The following PRKCE variants were observed in gnomAD, a reference collection of about 807,000 sequenced individuals.
PRKCE encodes the protein protein kinase C epsilon, also known as protein kinase C epsilon type.
In PRKCE, 16 loss-of-function variants were observed where a neutral mutation model predicts 85.4. The observed-to-expected ratio is 0.19, with a 90% CI of 0.13 to 0.28. The LOEUF is 0.28. PRKCE is among the 10% of genes least tolerant of loss of function. The probability of loss-of-function intolerance (pLI) is 1.00; values close to 1 mark genes in which losing one functional copy is unlikely to be tolerated. For synonymous variants in PRKCE, 388 were observed against 371.5 expected (o/e 1.04, Z -0.51); for missense variants, 573 against 975.2 (o/e 0.59, Z 5.49).
chr2:46,175,672 TCA>T (rs1484074796), intron 14 of PRKCE, among the ~76,000 whole-genome samples: 1 of 152,190 alleles, frequency 6.6e-6, no homozygotes, highest in African/African-American at 2.4e-5. Flanking sequence ...AAGCTACCTC[TCA>T]CAGATCGGCA....
At chr2:45,723,340 G>C (rs946939156) in intron 1 of PRKCE, among the ~76,000 whole-genome samples, 1 of 152,150 alleles carries the variant, frequency 6.6e-6, no homozygotes, top group Admixed American at 6.5e-5. Context: ...TGTTTCCAAG[G>C]TAGTCATTAG....
chr2:45,964,401 C>T (rs575858116), intron 2 of PRKCE, among the ~76,000 whole-genome samples: 3 of 152,372 alleles, frequency 2.0e-5, no homozygotes, highest in Admixed American at 6.5e-5. Context: ...CAGATCATCA[C>T]TGGCACCAAC....
intron 1 of PRKCE, among the ~76,000 whole-genome samples, chr2:45,725,137 C>T (rs1186789218): frequency 1.3e-5 from 2 of 152,244 alleles, no homozygotes; most frequent in Non-Finnish European, 2.9e-5. Flanking sequence ...TGCTCATTTA[C>T]CATTCTTTAC....
At chr2:45,761,786 C>G (rs1340086031) in intron 1 of PRKCE, among the ~76,000 whole-genome samples, 1 of 152,170 alleles carries the variant, frequency 6.6e-6, no homozygotes, top group Admixed American at 6.5e-5. Context: ...TTCTACTGAG[C>G]CCTCGCTGCC....
chr2:45,711,628 T>C (rs944016804), intron 1 of PRKCE, among the ~76,000 whole-genome samples: 2 of 152,230 alleles, frequency 1.3e-5, no homozygotes, highest in Non-Finnish European at 2.9e-5. Flanking sequence ...CCATTATTGT[T>C]ATTATTTATG....
chr2:45,995,197 A>G (rs1357411789), intron 6 of PRKCE, among the ~76,000 whole-genome samples: 1 of 152,028 alleles, frequency 6.6e-6, no homozygotes, highest in Non-Finnish European at 1.5e-5. Context: ...ATATTATCAT[A>G]TATGTCTTTT....
chr2:45,839,702 C>T (rs750210), intron 1 of PRKCE, among the ~76,000 whole-genome samples: 12,299 of 152,182 alleles, frequency 0.081, 748 homozygotes, highest in Admixed American at 0.14. Context: ...ACTAATTCAG[C>T]GGTGAAGTTG....
At chr2:45,972,642 T>C (rs1168743868) in intron 2 of PRKCE, among the ~76,000 whole-genome samples, 4 of 152,228 alleles carry the variant, frequency 2.6e-5, no homozygotes, top group African/African-American at 9.7e-5. Context: ...TTTTTGTGTA[T>C]GGTAAAAGGT....
At chr2:45,831,984 T>G (rs1690462005) in intron 1 of PRKCE, among the ~76,000 whole-genome samples, 1 of 152,238 alleles carries the variant, frequency 6.6e-6, no homozygotes, top group Non-Finnish European at 1.5e-5. Context: ...GTATGTATAT[T>G]TAAACTAAAT....
intron 6 of PRKCE, among the ~76,000 whole-genome samples, chr2:46,000,239 G>T (rs4953296): frequency 0.26 from 39,829 of 151,130 alleles, 5,364 homozygotes; most frequent in South Asian, 0.3. Flanking sequence ...CAGTAAACAG[G>T]CTGTTAGTAA....
chr2:45,749,149 C>G (rs958955725), intron 1 of PRKCE, among the ~76,000 whole-genome samples: 2 of 152,176 alleles, frequency 1.3e-5, no homozygotes, highest in African/African-American at 4.8e-5. Flanking sequence ...CTCAGCTTCT[C>G]AAAGTGCTTG....
intron 11 of PRKCE, among the ~76,000 whole-genome samples, chr2:46,106,268 C>T (rs1671708416): frequency 6.6e-6 from 1 of 152,170 alleles, no homozygotes; most frequent in Non-Finnish European, 1.5e-5. Flanking sequence ...TAATCTGTTA[C>T]CATATGAATC....
At chr2:46,065,013 C>G (rs997557686) in intron 10 of PRKCE, among the ~76,000 whole-genome samples, 1 of 152,172 alleles carries the variant, frequency 6.6e-6, no homozygotes, top group Non-Finnish European at 1.5e-5. Context: ...AAGCCATGCT[C>G]TTAAGTTATT....
chr2:46,022,127 G>A (rs1288198459), intron 10 of PRKCE, among the ~76,000 whole-genome samples: 1 of 152,188 alleles, frequency 6.6e-6, no homozygotes, highest in Non-Finnish European at 1.5e-5. Context: ...TGACGTGTGG[G>A]AAACACAGGA....
chr2:46,025,180 A>T (rs893581814), intron 10 of PRKCE, among the ~76,000 whole-genome samples: 3 of 152,196 alleles, frequency 2.0e-5, no homozygotes, highest in Admixed American at 1.3e-4. Flanking sequence ...GGTTGGCAAG[A>T]TCCATTTGGA....
chr2:46,142,172 C>G (rs1053177297), intron 11 of PRKCE, among the ~76,000 whole-genome samples: 13 of 152,114 alleles, frequency 8.5e-5, no homozygotes, highest in Non-Finnish European at 1.5e-4. Flanking sequence ...TGCATCCTGC[C>G]CCTACACCCA....
chr2:45,836,633 A>G (rs1690901294), intron 1 of PRKCE, among the ~76,000 whole-genome samples: 2 of 152,182 alleles, frequency 1.3e-5, no homozygotes, highest in South Asian at 4.1e-4. Flanking sequence ...AGGGGGCATC[A>G]GTGAAGGGGT....
chr2:45,915,648 G>A (rs879753917), intron 2 of PRKCE, among the ~76,000 whole-genome samples: 9 of 152,174 alleles, frequency 5.9e-5, no homozygotes, highest in Non-Finnish European at 1.2e-4. Context: ...TATCAAATTC[G>A]TATGATCTTT....
intron 14 of PRKCE, among the ~76,000 whole-genome samples, chr2:46,170,126 G>A (rs1175774000): frequency 6.6e-6 from 1 of 152,162 alleles, no homozygotes; most frequent in Non-Finnish European, 1.5e-5. Flanking sequence ...TGATGCATTT[G>A]AAAAATGTCA....
Sources: gnomAD v4.1 joint callset for allele counts (sites outside exome capture counted in the v4.1 genomes callset) on GRCh38, gnomAD v4.1.1 for gene constraint, MANE v1.5 for transcripts, NCBI Gene and HGNC (gene_info 2026-07-23, HGNC 2026-07-21) for gene names.